MMP16: variants seen among roughly 807,000 people sequenced by gnomAD.
MMP16 encodes the protein matrix metalloproteinase-16.
MMP16 carries 12 observed loss-of-function variants against 67.8 expected under a neutral mutation model. The ratio of observed to expected loss-of-function variants is 0.18; its 90% CI spans 0.11 to 0.29. MMP16 has a LOEUF of 0.29. MMP16 is among the 10% of genes least tolerant of loss of function. The pLI is 1.00. For synonymous variants in MMP16, 249 were observed against 255.9 expected, an observed-to-expected ratio of 0.97 and a Z score of 0.26; for missense variants, 475 against 765.7, an observed-to-expected ratio of 0.62 and a Z score of 4.48.
At chr8:88,170,925 T>A (rs1469887649) in intron 3 of MMP16, among the ~76,000 whole-genome samples, 5 of 152,150 alleles carry the variant, frequency 3.3e-5, no homozygotes, top group Non-Finnish European at 5.9e-5. Context: ...CTAGGACTTG[T>A]GTGATAGCCA....
At position 88,070,147 on chromosome 8, in the gene MMP16, A is replaced by G. The variant is rs192282974; in HGVS notation, c.1222+4458T>C. The stretch of plus-strand genomic sequence containing the variant: ...TGTTACAGTGTTGAACAGACCTGAT[A>G]TAAACATCTTTGTCTTGTTCCTGAT... On this transcript the variant is annotated intron_variant, in intron 7 of 9. Coordinates refer to ENST00000286614, the MANE Select transcript of MMP16 (RefSeq NM_005941.5). 1.3e-3 allele frequency among the ~76,000 whole-genome samples: 191 copies of G among 152,292 alleles called. 1 individual carries two copies. The Middle Eastern group carries it at 0.017, about 14-fold the overall frequency.
intron 8 of MMP16, among the ~76,000 whole-genome samples, chr8:88,047,980 T>A (rs1808220584): frequency 2.0e-5 from 3 of 152,272 alleles, no homozygotes; most frequent in Admixed American, 2.0e-4. Flanking sequence ...GCCAAAGGAC[T>A]TATTCATGGA....
At chr8:88,042,551 A>G (rs2118188609) in intron 9 of MMP16, among the ~76,000 whole-genome samples, 1 of 152,240 alleles carries the variant, frequency 6.6e-6, no homozygotes, top group East Asian at 1.9e-4. Context: ...TGTGTCACCT[A>G]GCTATATTTT....
intron 1 of MMP16, among the ~76,000 whole-genome samples, chr8:88,271,915 T>C (rs1810570022): frequency 6.6e-6 from 1 of 152,188 alleles, no homozygotes; most frequent in South Asian, 2.1e-4. Context: ...AAATGGGCGT[T>C]GGAGCTAGAG....
rs1491101969 is a variant in MMP16, at chr8:88,264,031, C to CATATATATATAT, written c.132+63043_132+63044insATATATATATAT. On this transcript the variant is annotated intron_variant, in intron 1 of 9. Transcript: ENST00000286614. ...GTGTGCAACTTCCCTACAAAAATGG[C>CATATATATATAT]ACATATATATATATATATATATATA... Among the ~76,000 whole-genome samples, 378 of 40,282 alleles carry CATATATATATAT rather than the reference C, an allele frequency of 9.4e-3. 5 individuals carry two copies. Among genetic ancestry groups the CATATATATATAT allele is most frequent in the African/African-American group, 0.022 (326 of 14,686 alleles). The allele number at this position is 40,282 out of a possible 152,430, so 26.4% of individuals were successfully genotyped here.
chr8:88,221,828 T>G lies in MMP16; in HGVS notation c.133-24522A>C, dbSNP rs144842672. Among the ~76,000 whole-genome samples the G allele has an allele frequency of 5.3e-5, 8 of 152,176 alleles. No individual in the cohort carries two copies. In the East Asian group the frequency reaches 1.5e-3, roughly 29 times the overall value. On this transcript the variant is annotated intron_variant, in intron 1 of 9. Transcript: ENST00000286614. ...AAGCAATTATATTTACTTTTGACAT[T>G]CTCACCCTATGGTTCACTGAGACCT... is the stretch of plus-strand genomic sequence containing the variant.
chr8:88,133,079 C>A (rs771241349), intron 4 of MMP16, among the ~76,000 whole-genome samples: 4 of 151,772 alleles, frequency 2.6e-5, no homozygotes, highest in Non-Finnish European at 5.9e-5. Flanking sequence ...TAACACTGTA[C>A]CTTTTTTTTC....
intron 7 of MMP16, among the ~76,000 whole-genome samples, chr8:88,064,880 T>C (rs1163305820): frequency 6.6e-6 from 1 of 152,152 alleles, no homozygotes; most frequent in Non-Finnish European, 1.5e-5. Context: ...GAATTTTGAA[T>C]GCTTGTGCAA....
At chr8:88,103,176 C>A (rs1809172996) in intron 6 of MMP16, among the ~76,000 whole-genome samples, 1 of 151,764 alleles carries the variant, frequency 6.6e-6, no homozygotes, top group Non-Finnish European at 1.5e-5. Flanking sequence ...AACTTTACAC[C>A]CGCACATGCA....
intron 1 of MMP16, among the ~76,000 whole-genome samples, chr8:88,238,663 T>TAA (rs34127125): frequency 0.044 from 4,404 of 99,770 alleles, 119 homozygotes; most frequent in Non-Finnish European, 0.053. Flanking sequence ...AAGACTCTGT[T>TAA]AAAAAAAAAA....
intron 7 of MMP16, among the ~76,000 whole-genome samples, chr8:88,060,726 T>C (rs1808387573): frequency 6.6e-6 from 1 of 152,102 alleles, no homozygotes; most frequent in African/African-American, 2.4e-5. Flanking sequence ...CCACCCACTC[T>C]AGGGTGTGAA....
Position 88,116,626 on chromosome 8 carries a change from T to C in MMP16, c.964A>G (p.Arg322Gly). 6.2e-7 allele frequency: 1 copy of C among 1,613,916 alleles called. No homozygotes were observed. The highest frequency in any genetic ancestry group is 8.5e-7 in the Non-Finnish European group (1 of 1,179,894). Residue 322 changes from arginine to glycine, a missense_variant, in exon 6 of 10, where the codon AGG (arginine) becomes GGG (glycine). By Grantham distance (125) the Arg-to-Gly change is moderately radical (BLOSUM62 -2). Transcript: ENST00000286614. ...GTTGGAGGCCGAGGAGGTTTTGGCC[T>C]GTCATTTTTCCTTGGGTCAGCCGGA... ...IPPADPRKND[R>G]PKPPRPPTGR...
chr8:88,051,609 T>C (rs1219579309), intron 8 of MMP16, among the ~76,000 whole-genome samples: 1 of 152,182 alleles, frequency 6.6e-6, no homozygotes, highest in Non-Finnish European at 1.5e-5. Flanking sequence ...TGCTGTATTT[T>C]TGAACGACTC....
rs556963291 is a variant in MMP16 at position 88,302,571 on chromosome 8, G to A, written c.132+24504C>T. Reference sequence around the variant, plus strand: ...TTTAATCCTAATTTTCCGGAGACACGAAGAGAAAATAACAGAGAAAAGAAG... The same window carrying A: ...TTTAATCCTAATTTTCCGGAGACACAAAGAGAAAATAACAGAGAAAAGAAG... On this transcript the variant is annotated intron_variant, in intron 1 of 9. Coordinates refer to ENST00000286614, the MANE Select transcript of MMP16 (RefSeq NM_005941.5). Among the ~76,000 whole-genome samples the A allele has an allele frequency of 4.6e-5, 7 of 152,150 alleles. No individual in the cohort carries two copies. In the South Asian group the frequency reaches 1.2e-3, roughly 27 times the overall value.
At chr8:88,236,898 T>C (rs1472422586) in intron 1 of MMP16, among the ~76,000 whole-genome samples, 1 of 152,176 alleles carries the variant, frequency 6.6e-6, no homozygotes, top group Non-Finnish European at 1.5e-5. Flanking sequence ...TTTCTCATGC[T>C]ACATAGCACT....
At chr8:88,270,665 C>T (rs1412062380) in intron 1 of MMP16, among the ~76,000 whole-genome samples, 2 of 152,142 alleles carry the variant, frequency 1.3e-5, no homozygotes, top group African/African-American at 2.4e-5. Flanking sequence ...AAGTCTTTGG[C>T]ACAAAATAAA....
At chr8:88,243,941 T>C (rs1810071427) in intron 1 of MMP16, among the ~76,000 whole-genome samples, 1 of 151,992 alleles carries the variant, frequency 6.6e-6, no homozygotes, top group South Asian at 2.1e-4. Context: ...GAGGGAAGTA[T>C]AAAAGAAAAA....
At chr8:88,156,730 G>A (rs2129664564) in intron 4 of MMP16, among the ~76,000 whole-genome samples, 1 of 151,906 alleles carries the variant, frequency 6.6e-6, no homozygotes, top group East Asian at 1.9e-4. Context: ...TAAAGACATT[G>A]TCTATATTGA....
rs146298528 is a variant in MMP16 at position 88,043,489 on chromosome 8, G to C, written c.1490-1694C>G. Among the ~76,000 whole-genome samples, 629 of 152,220 alleles carry C rather than the reference G, an allele frequency of 4.1e-3. 6 individuals are homozygous for C. Among genetic ancestry groups the C allele is most frequent in the African/African-American group, 0.013 (560 of 41,524 alleles). ...GTAGAGACAGGGTTTCTCCATGTTG[G>C]TCAGGCTAGTCTCAAACTCCCGACC... is the stretch of plus-strand genomic sequence containing the variant. On this transcript the variant is annotated intron_variant, in intron 9 of 9. Coordinates refer to ENST00000286614, the MANE Select transcript of MMP16 (RefSeq NM_005941.5).
Sources: allele counts gnomAD v4.1 joint callset (sites outside exome capture counted in the v4.1 genomes callset), GRCh38; gene constraint gnomAD v4.1.1; transcripts MANE v1.5; gene names NCBI Gene and HGNC (gene_info 2026-07-23, HGNC 2026-07-21).